DTNA: variants seen among roughly 807,000 people sequenced by gnomAD.
The protein encoded by DTNA is dystrophin-related protein 3.
DTNA carries 43 observed loss-of-function variants against 100.7 expected under a neutral mutation model. The ratio of observed to expected loss-of-function variants is 0.43; its 90% CI spans 0.33 to 0.55. DTNA has a LOEUF of 0.55. Among genes scored for constraint, DTNA ranks in the 20% least tolerant of loss-of-function variants. DTNA has a pLI of 0.04. For synonymous variants in DTNA, 349 were observed against 347.9 expected (o/e 1.00, Z -0.04); for missense variants, 798 against 953.9 (o/e 0.84, Z 2.15).
intron 1 of DTNA, among the ~76,000 whole-genome samples, chr18:34,562,872 C>T (rs1219394293): frequency 6.6e-6 from 1 of 152,184 alleles, no homozygotes; most frequent in Non-Finnish European, 1.5e-5. Context: ...CTATGCTATC[C>T]TTAAAGATCT....
intron 1 of DTNA, among the ~76,000 whole-genome samples, chr18:34,745,491 G>A (rs1369983069): frequency 6.6e-6 from 1 of 152,172 alleles, no homozygotes; most frequent in African/African-American, 2.4e-5. Context: ...TAAGCACCAA[G>A]AGTCATGCCA....
In DTNA at chr18:34,686,549, A is replaced by G. The variant is rs151013069; in HGVS notation, c.-1-69427A>G. ...GCTGGATTCAGTTTGCCAGTACGTT[A>G]TTGAAGATTTTTGCATCAATGTTCA... On this transcript the variant is annotated intron_variant, in intron 1 of 19. Coordinates refer to the DTNA transcript ENST00000283365. Among the ~76,000 whole-genome samples the G allele has an allele frequency of 2.9e-3, 447 of 152,256 alleles. 2 individuals carry two copies. The highest frequency in any genetic ancestry group is 0.01 in the African/African-American group (418 of 41,542).
Position 34,818,241 on chromosome 18 carries a change from A to T in DTNA, c.787A>T (p.Asn263Tyr), listed in dbSNP as rs759833445. ...TCGCTACCGATGCCAACAGTGTCAC[A>T]ATTACCAGCTCTGTCAGGACTGCTT... ...GFRYRCQQCH[N>Y]YQLCQDCFWR... The change falls in exon 8 of 23, where the codon AAT becomes TAT. Residue 263 changes from asparagine (N) to tyrosine (Y), a missense_variant. Around this residue, in one of 6 missense-constraint regions of DTNA, gnomAD observed 81 missense variants for 153.5 expected, o/e 0.53. Transcript: ENST00000444659. 1 of 1,614,080 alleles carries T rather than the reference A, an allele frequency of 6.2e-7. No individual in the cohort carries two copies. The highest frequency in any genetic ancestry group is 8.5e-7 in the Non-Finnish European group (1 of 1,179,964).
intron 10 of DTNA, among the ~76,000 whole-genome samples, chr18:34,828,815 T>C (rs957991481): frequency 6.6e-6 from 1 of 152,212 alleles, no homozygotes; most frequent in Admixed American, 6.5e-5. Context: ...AGTAACTTCC[T>C]TTTAGCACTC....
At chr18:34,818,780 A>T in intron 8 of DTNA, 1 of 466,766 alleles carries the variant, frequency 2.1e-6, no homozygotes, top group South Asian at 4.5e-5. Context: ...ATGAGAGGAG[A>T]GTGTGGACTT....
intron 1 of DTNA, among the ~76,000 whole-genome samples, chr18:34,688,041 A>G (rs534162563): frequency 6.6e-6 from 1 of 152,110 alleles, no homozygotes; most frequent in African/African-American, 2.4e-5. Context: ...GTATCTTTGC[A>G]CATGAGATGG....
intron 1 of DTNA, chr18:34,493,934 C>G (rs1048067676): frequency 2.0e-5 from 3 of 148,346 alleles, no homozygotes; most frequent in African/African-American, 7.3e-5. Flanking sequence ...CGCGGCGCCT[C>G]CCCGGGCGGC....
At chr18:34,630,586 G>A (rs2057948911) in intron 1 of DTNA, among the ~76,000 whole-genome samples, 1 of 152,112 alleles carries the variant, frequency 6.6e-6, no homozygotes, top group African/African-American at 2.4e-5. Context: ...CTGGAAGCCT[G>A]GATAGAGGCA....
chr18:34,595,093 CAT>C (rs2050325930), intron 1 of DTNA, among the ~76,000 whole-genome samples: 1 of 152,190 alleles, frequency 6.6e-6, no homozygotes, highest in Non-Finnish European at 1.5e-5. Context: ...TCCCCATAAT[CAT>C]GTGTTAACTT....
At chr18:34,554,409 A>T (rs2045800790) in intron 1 of DTNA, among the ~76,000 whole-genome samples, 1 of 149,216 alleles carries the variant, frequency 6.7e-6, no homozygotes. Flanking sequence ...TTCCAACACT[A>T]TGTTGAAAAG....
At chr18:34,756,927 C>T (rs2092816816) in intron 2 of DTNA, among the ~76,000 whole-genome samples, 1 of 152,010 alleles carries the variant, frequency 6.6e-6, no homozygotes, top group Non-Finnish European at 1.5e-5. Flanking sequence ...AGCCTTTTTC[C>T]CTAAGAAGGC....
At position 34,535,828 on chromosome 18, in the gene DTNA, T is replaced by C. The variant is rs575516012; in HGVS notation, c.-2+42314T>C. 3.9e-5 allele frequency among the ~76,000 whole-genome samples: 6 copies of C among 152,140 alleles called. No individual in the cohort carries two copies. The South Asian group carries it at 1.0e-3, about 26-fold the overall frequency. On this transcript the variant is annotated intron_variant, in intron 1 of 19. Transcript: ENST00000283365. Reference sequence around the variant, plus strand: ...GGAGACATCAGGCATTTTTTACCTCTGCCCCTTAAATACCAGAATTCAGTA... The same window carrying C: ...GGAGACATCAGGCATTTTTTACCTCCGCCCCTTAAATACCAGAATTCAGTA...
chr18:34,880,175 G>T (rs1433580825), intron 20 of DTNA, among the ~76,000 whole-genome samples: 1 of 152,170 alleles, frequency 6.6e-6, no homozygotes, highest in Non-Finnish European at 1.5e-5. Context: ...ATAAGTACAT[G>T]TATAAAATCT....
At chr18:34,732,893 T>A (rs2088644669) in intron 1 of DTNA, among the ~76,000 whole-genome samples, 1 of 152,180 alleles carries the variant, frequency 6.6e-6, no homozygotes, top group South Asian at 2.1e-4. Flanking sequence ...ATTCTGGCAC[T>A]GGGGAAATGA....
At chr18:34,868,955 C>T (rs183886625) in intron 17 of DTNA, 53 of 204,520 alleles carry the variant, frequency 2.6e-4, no homozygotes, top group Non-Finnish European at 3.7e-4. Flanking sequence ...GTTTCTGGTA[C>T]ACTTCCAGTT....
chr18:34,536,652 A>C (rs963966869), intron 1 of DTNA, among the ~76,000 whole-genome samples: 1 of 151,996 alleles, frequency 6.6e-6, no homozygotes, highest in African/African-American at 2.4e-5. Flanking sequence ...TATCTAGGAA[A>C]CAGTTCACTT....
intron 3 of DTNA, 92 bp from the exon 4 acceptor site, chr18:34,793,945 A>G (rs1256526389): frequency 7.5e-7 from 1 of 1,325,950 alleles, no homozygotes; most frequent in Non-Finnish European, 1.1e-6. Context: ...CATGTGAGAT[A>G]CCTAGAAAAA....
chr18:34,633,232 T>G (rs1480152625), intron 1 of DTNA, among the ~76,000 whole-genome samples: 3 of 152,070 alleles, frequency 2.0e-5, no homozygotes, highest in Admixed American at 2.0e-4. Flanking sequence ...GCTAGAGAGG[T>G]CTGGTGCTCT....
chr18:34,613,258 A>C (rs2054581991), intron 1 of DTNA, among the ~76,000 whole-genome samples: 2 of 152,210 alleles, frequency 1.3e-5, no homozygotes, highest in African/African-American at 2.4e-5. Context: ...CTGACCAGCC[A>C]TTCCTCCATT....
Sources: gnomAD v4.1 joint callset for allele counts (sites outside exome capture counted in the v4.1 genomes callset) on GRCh38, gnomAD v4.1.1 for gene constraint, gnomAD v4.1.1 regional missense constraint, MANE v1.5 for transcripts, NCBI Gene and HGNC (gene_info 2026-07-23, HGNC 2026-07-21) for gene names.